The following ANO4 variants were observed in gnomAD, a reference collection of about 807,000 sequenced individuals.
The protein encoded by ANO4 is anoctamin-4.
A neutral mutation model predicts 141.9 loss-of-function variants in ANO4; 69 were observed. That is an observed-to-expected ratio of 0.49 (90% CI 0.40 to 0.59). The LOEUF (loss-of-function observed/expected upper bound fraction) is 0.59, where lower values mean the gene tolerates loss of function less well. Ranked by LOEUF, ANO4 falls within the 20% of genes least tolerant of loss-of-function variation. The probability of loss-of-function intolerance (pLI) is 0.00; values close to 1 mark genes in which losing one functional copy is unlikely to be tolerated. For missense variants in ANO4, 894 were observed against 1,162.2 expected, an observed-to-expected ratio of 0.77 and a Z score of 3.36; for synonymous variants, 350 against 394.3, an observed-to-expected ratio of 0.89 and a Z score of 1.33.
Position 101,080,870 on chromosome 12 carries a change from A to ATATATATATTATATAT in ANO4, c.1395+1604_1395+1605insTATATATTATATATAT, listed in dbSNP as rs1196872706. On this transcript the variant is annotated intron_variant, in intron 15 of 27. Coordinates refer to ENST00000392977, the MANE Select transcript of ANO4 (RefSeq NM_001286615.2). ...TATATTTTTTCTAGGTTCTAGATAT[A>ATATATATATTATATAT]TATATATATATATTATATATATATA... Among the ~76,000 whole-genome samples, 4 of 68,482 alleles carry ATATATATATTATATAT rather than the reference A, an allele frequency of 5.8e-5. No homozygotes were observed. In the East Asian group the frequency reaches 3.5e-3, roughly 60 times the overall value. 44.9% of individuals were successfully genotyped at this position (68,482 alleles called of 152,430 possible).
chr12:100,971,547 A>G, intron 6 of ANO4, 141 bp downstream of exon 6: 2 of 517,164 alleles, frequency 3.9e-6, no homozygotes, highest in Non-Finnish European at 6.5e-6. Flanking sequence ...TAGGATATGC[A>G]AATAAGCCTT....
At chr12:100,898,146 A>G (rs372524644) in intron 1 of ANO4, among the ~76,000 whole-genome samples, 1 of 152,228 alleles carries the variant, frequency 6.6e-6, no homozygotes, top group Non-Finnish European at 1.5e-5. Flanking sequence ...GTGATGATAC[A>G]TTAATGGGAT....
At chr12:101,009,548 A>T (rs2045996525) in intron 8 of ANO4, among the ~76,000 whole-genome samples, 1 of 152,130 alleles carries the variant, frequency 6.6e-6, no homozygotes, top group South Asian at 2.1e-4. Context: ...TTTAACTTCT[A>T]AAATTAATAT....
intron 9 of ANO4, among the ~76,000 whole-genome samples, chr12:101,030,812 T>C (rs12828344): frequency 0.32 from 49,301 of 151,888 alleles, 8,308 homozygotes; most frequent in Non-Finnish European, 0.38. Context: ...AACACCTCTA[T>C]GCAAATAAAC....
chr12:100,794,257 AC>A (rs2034166440), upstream of ANO4, among the ~76,000 whole-genome samples: 1 of 152,016 alleles, frequency 6.6e-6, no homozygotes, highest in South Asian at 2.1e-4. Flanking sequence ...ACTCATGATG[AC>A]CCCTTGAAGG....
intron 13 of ANO4, among the ~76,000 whole-genome samples, chr12:101,046,783 G>A (rs2047649816): frequency 6.6e-6 from 1 of 152,230 alleles, no homozygotes; most frequent in African/African-American, 2.4e-5. Context: ...CCCCAGGGCA[G>A]TATTCTGATT....
At chr12:100,754,170 A>T (rs182880270) in intron 3 of ANO4, among the ~76,000 whole-genome samples, 1 of 152,232 alleles carries the variant, frequency 6.6e-6, no homozygotes, top group Non-Finnish European at 1.5e-5. Context: ...CTAGCAAAGG[A>T]GGTGAACTGT....
intron 2 of ANO4, among the ~76,000 whole-genome samples, chr12:100,913,562 A>G (rs7958615): frequency 0.32 from 48,664 of 152,072 alleles, 8,118 homozygotes; most frequent in East Asian, 0.61. Flanking sequence ...ATTAAGTTTT[A>G]TCATAGGTAT....
chr12:100,964,667 C>A (rs938644233), intron 5 of ANO4, among the ~76,000 whole-genome samples: 1 of 152,114 alleles, frequency 6.6e-6, no homozygotes, highest in African/African-American at 2.4e-5. Context: ...TAAATTGAAA[C>A]GTCAAGCATA....
At chr12:100,945,864 A>G (rs2042700386) in intron 5 of ANO4, among the ~76,000 whole-genome samples, 1 of 152,228 alleles carries the variant, frequency 6.6e-6, no homozygotes, top group Non-Finnish European at 1.5e-5. Flanking sequence ...CACTCACTCT[A>G]TGCCAGGCAT....
At position 100,743,100 on chromosome 12, in the gene ANO4, A is replaced by C; in HGVS notation, c.358+2995A>C. 1.3e-5 allele frequency among the ~76,000 whole-genome samples: 2 copies of C among 151,536 alleles called. 1 individual carries two copies. The highest frequency in any genetic ancestry group is 3.0e-5 in the Non-Finnish European group (2 of 67,622). On this transcript the variant is annotated intron_variant, in intron 3 of 29. Transcript: ENST00000644049. ...GGGAGAGAAAATTAAGTAAGGCATC[A>C]CCTCTATCTCAGGAGCTCAGAGTCT...
chr12:101,112,633 C>T (rs1344365934), intron 24 of ANO4, among the ~76,000 whole-genome samples: 1 of 152,150 alleles, frequency 6.6e-6, no homozygotes, highest in African/African-American at 2.4e-5. Flanking sequence ...CAGATTGATT[C>T]ATCCTCTACA....
intron 3 of ANO4, among the ~76,000 whole-genome samples, chr12:100,784,617 T>G (rs1403703218): frequency 6.6e-6 from 1 of 152,202 alleles, no homozygotes; most frequent in African/African-American, 2.4e-5. Context: ...CTAACATAGT[T>G]CCTGTTTTAG....
At chr12:100,857,260 CCTT>C (rs1310807229) in intron 1 of ANO4, among the ~76,000 whole-genome samples, 1 of 152,178 alleles carries the variant, frequency 6.6e-6, no homozygotes, top group African/African-American at 2.4e-5. Flanking sequence ...GTTCAGAAAA[CCTT>C]CTTAAGTGGA....
At chr12:101,063,088 G>C (rs2048418987) in intron 14 of ANO4, among the ~76,000 whole-genome samples, 1 of 152,218 alleles carries the variant, frequency 6.6e-6, no homozygotes. Context: ...GGGCCAGAGT[G>C]CACCATTCCT....
intron 3 of ANO4, among the ~76,000 whole-genome samples, chr12:100,772,306 C>T (rs748845412): frequency 3.3e-5 from 5 of 152,132 alleles, no homozygotes; most frequent in African/African-American, 1.2e-4. Context: ...TTTAGAAGAT[C>T]GAAAGGGCGT....
At chr12:100,840,843 T>TGTTAACATCTATTA (rs1273978655) in intron 1 of ANO4, among the ~76,000 whole-genome samples, 5 of 152,148 alleles carry the variant, frequency 3.3e-5, no homozygotes, top group Non-Finnish European at 5.9e-5. Context: ...TATTAGGCTA[T>TGTTAACATCTATTA]GGAATGTTAA....
intron 8 of ANO4, among the ~76,000 whole-genome samples, chr12:101,015,799 A>G (rs1282080867): frequency 3.3e-5 from 5 of 152,106 alleles, no homozygotes; most frequent in Non-Finnish European, 5.9e-5. Flanking sequence ...ACTGAGCCCC[A>G]AGCCTCATGT....
chr12:100,952,780 A>T (rs1312827388), intron 5 of ANO4, among the ~76,000 whole-genome samples: 2 of 152,088 alleles, frequency 1.3e-5, no homozygotes, highest in Non-Finnish European at 1.5e-5. Context: ...CGGTTTAAAG[A>T]TCTAAGGGCC....
Sources: gnomAD v4.1 joint callset for allele counts (sites outside exome capture counted in the v4.1 genomes callset) on GRCh38, gnomAD v4.1.1 for gene constraint, MANE v1.5 for transcripts, NCBI Gene and HGNC (gene_info 2026-07-23, HGNC 2026-07-21) for gene names.